Variants in COBL observed in about 807,000 individuals in gnomAD.
The protein encoded by COBL is cordon-bleu WH2 repeat protein, also known as protein cordon-bleu.
Under a neutral mutation model 98.8 loss-of-function variants are expected in COBL, and 51 were observed. The observed-to-expected ratio is 0.52, with a 90% CI of 0.41 to 0.65. The LOEUF is 0.65. COBL is among the 30% of genes least tolerant of loss of function. COBL has a pLI of 0.00. For missense variants in COBL, 1,617 were observed against 1,617.5 expected (o/e 1.00, Z 0.01); for synonymous variants, 634 against 651.7 (o/e 0.97, Z 0.41).
intron 1 of COBL, among the ~76,000 whole-genome samples, chr7:51,274,766 T>G (rs1424232186): frequency 6.6e-6 from 1 of 152,224 alleles, no homozygotes; most frequent in African/African-American, 2.4e-5. Context: ...AACAGACGTA[T>G]TCTAGAAAAC....
intron 1 of COBL, among the ~76,000 whole-genome samples, chr7:51,242,107 C>T (rs1352440974): frequency 6.6e-6 from 1 of 152,202 alleles, no homozygotes; most frequent in Non-Finnish European, 1.5e-5. Context: ...AACTTTGTAA[C>T]TTCACTTCAG....
At chr7:51,271,132 C>T (rs1798720255) in intron 1 of COBL, among the ~76,000 whole-genome samples, 1 of 152,202 alleles carries the variant, frequency 6.6e-6, no homozygotes, top group African/African-American at 2.4e-5. Flanking sequence ...TTTCACCAGC[C>T]TCAGTGCGTG....
intron 7 of COBL, among the ~76,000 whole-genome samples, chr7:51,063,950 C>G (rs1400996924): frequency 6.6e-6 from 1 of 152,180 alleles, no homozygotes; most frequent in Non-Finnish European, 1.5e-5. Context: ...TGAAATCACC[C>G]AGTAACAGAC....
intron 1 of COBL, among the ~76,000 whole-genome samples, chr7:51,242,886 C>T (rs1327420091): frequency 1.3e-5 from 2 of 152,138 alleles, no homozygotes; most frequent in African/African-American, 4.8e-5. Context: ...CAACAAGGTA[C>T]CTGACACCGA....
At chr7:51,142,757 A>T (rs1436807777) in intron 5 of COBL, among the ~76,000 whole-genome samples, 1 of 152,196 alleles carries the variant, frequency 6.6e-6, no homozygotes, top group Non-Finnish European at 1.5e-5. Context: ...TTTCAGTCTT[A>T]TGAAGCAGGA....
chr7:51,035,903 G>A (rs1446499783), intron 8 of COBL: 4 of 152,116 alleles, frequency 2.6e-5, no homozygotes, highest in African/African-American at 4.8e-5. Flanking sequence ...TTCTAGAAGC[G>A]GTCTGGAATG....
chr7:51,078,082 C>T (rs1477344538), intron 7 of COBL, among the ~76,000 whole-genome samples: 1 of 152,178 alleles, frequency 6.6e-6, no homozygotes, highest in East Asian at 1.9e-4. Context: ...GTTAACAGAA[C>T]TCCAGTATTG....
At chr7:51,166,174 G>A (rs187659714) in intron 5 of COBL, among the ~76,000 whole-genome samples, 3 of 151,826 alleles carry the variant, frequency 2.0e-5, no homozygotes, top group East Asian at 1.9e-4. Context: ...GAAACAAAAC[G>A]TTGATTTTTT....
intron 5 of COBL, chr7:51,172,677 C>T: frequency 3.2e-6 from 1 of 317,310 alleles, no homozygotes; most frequent in Non-Finnish European, 5.3e-6. Context: ...ACCACTTCTG[C>T]CAGTTTATGA....
At chr7:51,202,280 T>C (rs1289471165) in intron 2 of COBL, among the ~76,000 whole-genome samples, 1 of 152,158 alleles carries the variant, frequency 6.6e-6, no homozygotes, top group South Asian at 2.1e-4. Context: ...CCTAAAATTG[T>C]GAAGAAGAAA....
Position 51,028,628 on chromosome 7 carries a change from T to C in COBL, c.2468A>G (p.His823Arg). 16 of 1,613,540 alleles carry C rather than the reference T, an allele frequency of 9.9e-6. No individual in the cohort carries two copies. The highest frequency in any genetic ancestry group is 1.4e-5 in the Non-Finnish European group (16 of 1,179,706). Residue 823 changes from histidine to arginine, a missense_variant, in exon 10 of 13, where the codon CAT becomes CGT. Physicochemically the swap from His to Arg is conservative, Grantham distance 29 (BLOSUM62 0). Transcript: ENST00000265136. ...PISPQQKSAH[H>R]EGRNPLGEGR... Reference sequence around the variant, plus strand: ...CTCCCCTAGGGGGTTCCGGCCCTCATGGTGGGCAGACTTCTGCTGGGGCGA... The same window carrying C: ...CTCCCCTAGGGGGTTCCGGCCCTCACGGTGGGCAGACTTCTGCTGGGGCGA...
chr7:51,289,175 CT>C, intron 1 of COBL, among the ~76,000 whole-genome samples: 1 of 152,082 alleles, frequency 6.6e-6, no homozygotes, highest in South Asian at 2.1e-4. Flanking sequence ...AATTGTTATT[CT>C]TTCCCAAATA....
chr7:51,110,517 G>T (rs993420249), intron 6 of COBL, among the ~76,000 whole-genome samples: 1 of 152,122 alleles, frequency 6.6e-6, no homozygotes, highest in Non-Finnish European at 1.5e-5. Flanking sequence ...ATCCGCTGAC[G>T]GACACTTAGG....
At chr7:51,023,835 G>T (rs1229434998) in intron 12 of COBL, among the ~76,000 whole-genome samples, 1 of 152,186 alleles carries the variant, frequency 6.6e-6, no homozygotes, top group Non-Finnish European at 1.5e-5. Flanking sequence ...GTGACCTGGG[G>T]ATGAGCACTT....
At chr7:51,188,160 G>A (rs1465585577) in intron 4 of COBL, among the ~76,000 whole-genome samples, 3 of 152,244 alleles carry the variant, frequency 2.0e-5, no homozygotes, top group Non-Finnish European at 4.4e-5. Flanking sequence ...CGCTGAGGAC[G>A]CAGGTGGCAG....
intron 1 of COBL, among the ~76,000 whole-genome samples, chr7:51,307,674 CT>C (rs1802617868): frequency 6.6e-6 from 1 of 152,238 alleles, no homozygotes; most frequent in Non-Finnish European, 1.5e-5. Flanking sequence ...TTTAGTCTAG[CT>C]TCCAAACTAG....
chr7:51,311,571 C>A (rs1387081061), intron 1 of COBL, among the ~76,000 whole-genome samples: 2 of 152,092 alleles, frequency 1.3e-5, no homozygotes, highest in African/African-American at 2.4e-5. Flanking sequence ...CAGCAAGAGA[C>A]AGATGAAAAA....
chr7:51,029,401 C>G lies in COBL; in HGVS notation c.1695G>C (p.Gly565=), dbSNP rs1266434010. Residue 565 remains glycine (G), a synonymous_variant, in exon 10 of 13, where the codon GGG becomes GGC. Coordinates refer to ENST00000265136, the MANE Select transcript of COBL (RefSeq NM_015198.5). ...TGGCAACACCCTCCGAGTCGAAAGA[C>G]CCAGCATTGTTGTTTCTATTGGAAA... is the stretch of plus-strand genomic sequence containing the variant. The part of the protein sequence containing the change: ...GLFSNRNNNA[G]SFDSEGVASR... The G allele has an allele frequency of 6.2e-7, 1 of 1,613,912 alleles. No homozygotes were observed. The highest frequency in any genetic ancestry group is 1.7e-5 in the Admixed American group (1 of 60,010).
chr7:51,045,865 T>C (rs1789637962), intron 7 of COBL, among the ~76,000 whole-genome samples: 1 of 152,182 alleles, frequency 6.6e-6, no homozygotes, highest in South Asian at 2.1e-4. Context: ...TAAATCAACA[T>C]GGAGTGAGAG....
Sources: gnomAD v4.1 joint callset for allele counts (sites outside exome capture counted in the v4.1 genomes callset) on GRCh38, gnomAD v4.1.1 for gene constraint, MANE v1.5 for transcripts, NCBI Gene and HGNC (gene_info 2026-07-23, HGNC 2026-07-21) for gene names.